Variants in SCN7A observed in about 807,000 individuals in gnomAD.
SCN7A encodes sodium voltage-gated channel alpha subunit 7.
In SCN7A, 138 loss-of-function variants were observed where a neutral mutation model predicts 155.2. The observed-to-expected ratio is 0.89, with a 90% CI of 0.77 to 1.02. The LOEUF is 1.02. SCN7A is among the 50% of genes least tolerant of loss of function. SCN7A has a pLI of 0.00. For synonymous variants in SCN7A, 693 were observed against 649.0 expected (o/e 1.07, Z -1.03); for missense variants, 2,058 against 1,986.6 (o/e 1.04, Z -0.68).
chr2:166,421,703 T>C (rs923274586), intron 19 of SCN7A, among the ~76,000 whole-genome samples: 1 of 152,032 alleles, frequency 6.6e-6, no homozygotes, highest in African/African-American at 2.4e-5. Context: ...TAGTTACACA[T>C]GCATTCATAT....
chr2:166,448,496 G>A (rs914904424), intron 11 of SCN7A, among the ~76,000 whole-genome samples: 2 of 152,076 alleles, frequency 1.3e-5, no homozygotes, highest in African/African-American at 2.4e-5. Context: ...GGATGATATG[G>A]TAGCTCTATT....
intron 13 of SCN7A, 74 bp from the exon 14 acceptor site, chr2:166,443,750 G>A: frequency 9.3e-7 from 1 of 1,070,376 alleles, no homozygotes; most frequent in Non-Finnish European, 1.3e-6. Context: ...CACAAAATCT[G>A]TGACACACAC....
Position 166,470,625 on chromosome 2 carries a change from A to T in SCN7A, c.654T>A (p.Pro218=). ...AATGCAATTTCTTACCTTGATTTAA[A>T]GGAATAATTTTTAAAATTCTCAAAG... ...ARTLRILKII[P]LNQGLKSLVG... is the part of the protein sequence containing the mutation. The change falls in exon 7 of 26, where the codon CCT becomes CCA. Residue 218 remains proline (P), a synonymous_variant. Coordinates refer to ENST00000643258, the MANE Select transcript of SCN7A (RefSeq NM_002976.4). 6.2e-7 allele frequency: 1 copy of T among 1,604,810 alleles called. No individual in the cohort carries two copies. The highest frequency in any genetic ancestry group is 1.1e-5 in the South Asian group (1 of 90,110).
chr2:166,413,279 G>A (rs1701242187), intron 21 of SCN7A, among the ~76,000 whole-genome samples, 158 bp from the exon 22 acceptor site: 1 of 151,932 alleles, frequency 6.6e-6, no homozygotes, highest in African/African-American at 2.4e-5. Context: ...TATATTGTCT[G>A]TTAACAACTA....
At chr2:166,463,026 G>A (rs1702448997) in intron 9 of SCN7A, among the ~76,000 whole-genome samples, 2 of 152,068 alleles carry the variant, frequency 1.3e-5, no homozygotes, top group Admixed American at 6.6e-5. Context: ...GGAAATATCT[G>A]AACATCAGAG....
In SCN7A at chr2:166,432,368, G is replaced by A. The variant is rs1248489311; in HGVS notation, c.2542C>T (p.Leu848=). ...IASGESDIEN[L]DNKEIQSKSG... is the part of the protein sequence containing the mutation. ...TTACTCTGAATCTCCTTATTATCCA[G>A]ATTTTCTATATCAGATTCTCCTGAA... The change falls in exon 16 of 26, where the codon CTG becomes TTG. Residue 848 remains leucine, a synonymous_variant. Coordinates refer to ENST00000643258, the MANE Select transcript of SCN7A (RefSeq NM_002976.4). 3.1e-6 allele frequency: 5 copies of A among 1,612,712 alleles called. No individual in the cohort carries two copies. The highest frequency in any genetic ancestry group is 4.2e-6 in the Non-Finnish European group (5 of 1,179,396).
intron 18 of SCN7A, among the ~76,000 whole-genome samples, chr2:166,425,186 C>T (rs1701596370): frequency 6.6e-6 from 1 of 152,056 alleles, no homozygotes; most frequent in Admixed American, 6.6e-5. Flanking sequence ...AAGAGGCCTA[C>T]AATAGGGTAG....
At chr2:166,437,443 CTCTGCTATGGCAG>C (rs1701863086) in intron 15 of SCN7A, among the ~76,000 whole-genome samples, 1 of 152,178 alleles carries the variant, frequency 6.6e-6, no homozygotes, top group East Asian at 1.9e-4. Flanking sequence ...CATGGAGAAC[CTCTGCTATGGCAG>C]TGTGGAAAAG....
Position 166,416,958 on chromosome 2 carries a change from T to A in SCN7A, c.3163A>T (p.Thr1055Ser). ...AGAAACACATTCAAAGTGGGTAAGGTTGTTTTGATCAAAGCTCTCACAACC... is the reference window on the plus strand; with the variant it reads ...AGAAACACATTCAAAGTGGGTAAGGATGTTTTGATCAAAGCTCTCACAACC... ...KVVVRALIKTTLPTLNVFLVC... is the reference protein window; with the variant it reads ...KVVVRALIKTSLPTLNVFLVC... The change falls in exon 21 of 26, where the codon ACC becomes TCC. Residue 1055 changes from threonine (T) to serine (S), a missense_variant. By Grantham distance (58) the Thr-to-Ser change is moderately conservative (BLOSUM62 1). Transcript: ENST00000643258. 6.2e-7 allele frequency: 1 copy of A among 1,605,180 alleles called. No individual in the cohort carries two copies. Among genetic ancestry groups the A allele is most frequent in the Non-Finnish European group, 8.5e-7 (1 of 1,175,286 alleles).
chr2:166,428,208 T>G (rs1701663994), intron 17 of SCN7A, among the ~76,000 whole-genome samples: 1 of 152,062 alleles, frequency 6.6e-6, no homozygotes, highest in South Asian at 2.1e-4. Context: ...ATGTTGTCAC[T>G]CTGCAAAACA....
In SCN7A at chr2:166,443,563, A is replaced by T; in HGVS notation, c.1740T>A (p.Gly580=). Residue 580 remains glycine (G), a synonymous_variant, in exon 14 of 26, where the codon GGT becomes GGA. Coordinates refer to ENST00000643258, the MANE Select transcript of SCN7A (RefSeq NM_002976.4). ...CATTTGCTAGACAAAGTTCTATTAAACCATGGAACACTATCATGCTATCAA... is the reference window on the plus strand; with the variant it reads ...CATTTGCTAGACAAAGTTCTATTAATCCATGGAACACTATCATGCTATCAA... ...NIFDSMIVFH[G]LIELCLANVA... The T allele has an allele frequency of 6.3e-7, 1 of 1,593,748 alleles. No individual in the cohort carries two copies. The highest frequency in any genetic ancestry group is 8.6e-7 in the Non-Finnish European group (1 of 1,169,564).
chr2:166,464,715 C>A (rs970744205), intron 9 of SCN7A, among the ~76,000 whole-genome samples: 1 of 152,158 alleles, frequency 6.6e-6, no homozygotes, highest in African/African-American at 2.4e-5. Flanking sequence ...CCAGCCCGAG[C>A]TATCGCGGCT....
rs1172046936 is a variant in SCN7A at position 166,421,312 on chromosome 2, T to TA, written c.3028-16dup. On this transcript the variant is annotated splice_polypyrimidine_tract_variant and intron_variant, in intron 19 of 25. Coordinates refer to ENST00000643258, the MANE Select transcript of SCN7A (RefSeq NM_002976.4). ...AGACAAAACACCTATATATTTTTTTTAAAAAAAGAGTGAATAGGATTCCAT... is the reference window on the plus strand; with the variant it reads ...AGACAAAACACCTATATATTTTTTTTAAAAAAAAGAGTGAATAGGATTCCAT... 7.2e-6 allele frequency: 10 copies of TA among 1,387,972 alleles called. No individual in the cohort carries two copies. In the East Asian group the frequency reaches 1.0e-4, roughly 14 times the overall value. The allele number at this position is 1,387,972 out of a possible 1,614,324, so 86.0% of individuals were successfully genotyped here. A position where few individuals can be genotyped will look rare whatever the true frequency, so the allele number is the denominator to read the frequency against.
chr2:166,482,763 C>CAAAAAAAAAA (rs34623846), intron 2 of SCN7A, among the ~76,000 whole-genome samples: 1 of 142,532 alleles, frequency 7.0e-6, no homozygotes. Flanking sequence ...TGCGATACTG[C>CAAAAAAAAAA]AAAAAAAAAA....
At chr2:166,468,680 T>C (rs1702588718) in intron 7 of SCN7A, among the ~76,000 whole-genome samples, 1 of 151,034 alleles carries the variant, frequency 6.6e-6, no homozygotes, top group Admixed American at 6.6e-5. Flanking sequence ...TTCATTTTCA[T>C]ACTTACTTTT....
intron 10 of SCN7A, among the ~76,000 whole-genome samples, chr2:166,458,128 G>C (rs1221128141): frequency 1.3e-5 from 2 of 152,016 alleles, no homozygotes; most frequent in East Asian, 1.9e-4. Flanking sequence ...GTCAGGAATA[G>C]GTATTATAAA....
Position 166,421,237 on chromosome 2 carries a change from T to C in SCN7A, c.3088A>G (p.Lys1030Glu). The change falls in exon 20 of 26, where the codon AAA becomes GAA. Residue 1030 changes from lysine to glutamate, a missense_variant. Coordinates refer to ENST00000643258, the MANE Select transcript of SCN7A (RefSeq NM_002976.4). ...AGAACTCTGAGGGGCCGAAGGAATT[T>C]CATGGAAATAAGAGGTTTTAGTTCT... ...REELKPLISM[K>E]FLRPLRVLSQ... is the part of the protein sequence containing the mutation. 1 of 1,535,690 alleles carries C rather than the reference T, an allele frequency of 6.5e-7. No individual in the cohort carries two copies. The highest frequency in any genetic ancestry group is 1.4e-5 in the African/African-American group (1 of 72,374).
chr2:166,478,208 A>G (rs753195712), intron 2 of SCN7A, among the ~76,000 whole-genome samples: 6 of 151,636 alleles, frequency 4.0e-5, no homozygotes, highest in Non-Finnish European at 4.4e-5. Flanking sequence ...TACATCAGGT[A>G]TATCTCACAC....
chr2:166,490,841 A>G (rs1683083456), intron 1 of SCN7A, among the ~76,000 whole-genome samples: 1 of 152,174 alleles, frequency 6.6e-6, no homozygotes, highest in Non-Finnish European at 1.5e-5. Flanking sequence ...AGCTTTTCAA[A>G]TGTGAAACCA....
Sources: allele counts gnomAD v4.1 joint callset (sites outside exome capture counted in the v4.1 genomes callset), GRCh38; gene constraint gnomAD v4.1.1; transcripts MANE v1.5; gene names NCBI Gene and HGNC (gene_info 2026-07-23, HGNC 2026-07-21).